The following ANKRD33B variants were observed in gnomAD, a reference collection of about 807,000 sequenced individuals.
ANKRD33B encodes the protein ankyrin repeat domain 33B.
ANKRD33B carries 6 observed loss-of-function variants against 21.5 expected under a neutral mutation model. The ratio of observed to expected loss-of-function variants is 0.28; its 90% CI spans 0.15 to 0.55. The LOEUF is 0.55. Among genes scored for constraint, ANKRD33B ranks in the 20% least tolerant of loss-of-function variants. The pLI, the probability that ANKRD33B is intolerant of heterozygous loss-of-function variation, is 0.94. For missense variants in ANKRD33B, 698 were observed against 747.2 expected (o/e 0.93, Z 0.77); for synonymous variants, 347 against 342.4 (o/e 1.01, Z -0.15).
intron 1 of ANKRD33B, among the ~76,000 whole-genome samples, chr5:10,589,264 A>C (rs1484305792): frequency 6.6e-6 from 1 of 152,132 alleles, no homozygotes; most frequent in Non-Finnish European, 1.5e-5. Flanking sequence ...CAGGTCCTGG[A>C]TGGCTCCTCC....
chr5:10,608,273 G>A (rs1029635620), intron 1 of ANKRD33B, among the ~76,000 whole-genome samples: 1 of 150,652 alleles, frequency 6.6e-6, no homozygotes, highest in Middle Eastern at 3.5e-3. Context: ...CAGGAGAATC[G>A]CCTGAACCCA....
chr5:10,604,583 C>G (rs891051977), intron 1 of ANKRD33B, among the ~76,000 whole-genome samples: 1 of 151,188 alleles, frequency 6.6e-6, no homozygotes, highest in African/African-American at 2.4e-5. Flanking sequence ...TAGTGAAGTC[C>G]AGAGAGGAGA....
intron 1 of ANKRD33B, among the ~76,000 whole-genome samples, chr5:10,588,348 T>C (rs1460797155): frequency 6.6e-6 from 1 of 152,228 alleles, no homozygotes; most frequent in Non-Finnish European, 1.5e-5. Flanking sequence ...GTACTCTTTC[T>C]GGATATGTTC....
rs1361219148 is a variant in ANKRD33B at position 10,649,887 on chromosome 5, G to T, written c.1259G>T (p.Gly420Val). Residue 420 changes from glycine (G) to valine (V), a missense_variant, in exon 4 of 4, where the codon GGT becomes GTT. Gly to Val is a moderately radical substitution (Grantham distance 109). This residue lies in a region of ANKRD33B where 543 missense variants were observed against 566.5 expected (regional missense o/e 0.96). Transcript: ENST00000296657. ...QRLRRRSVRP[G>V]VVVPRVRVSK... The stretch of plus-strand genomic sequence containing the variant: ...CTGCGGCGGAGAAGCGTGCGGCCCG[G>T]TGTGGTGGTGCCCCGGGTCCGAGTC... The T allele has an allele frequency of 3.3e-6, 5 of 1,509,112 alleles. No individual in the cohort carries two copies. Among genetic ancestry groups the T allele is most frequent in the Non-Finnish European group, 4.4e-6 (5 of 1,134,688 alleles). 93.5% of individuals were successfully genotyped at this position (1,509,112 alleles called of 1,614,324 possible).
intron 1 of ANKRD33B, among the ~76,000 whole-genome samples, chr5:10,614,143 TTGACTC>T (rs375494243): frequency 1.6e-4 from 24 of 152,176 alleles, no homozygotes; most frequent in African/African-American, 5.8e-4. Flanking sequence ...GAGTTGCAGT[TTGACTC>T]TGAAGGCAGT....
At chr5:10,583,189 G>C (rs1735480905) in intron 1 of ANKRD33B, among the ~76,000 whole-genome samples, 1 of 152,014 alleles carries the variant, frequency 6.6e-6, no homozygotes, top group African/African-American at 2.4e-5. Flanking sequence ...AGTAGAGACA[G>C]GTTTTCCCCA....
chr5:10,564,949 C>A, intron 1 of ANKRD33B, 116 bp downstream of exon 1: 3 of 1,352,762 alleles, frequency 2.2e-6, no homozygotes, highest in East Asian at 5.1e-5. Flanking sequence ...GGTCACTCAG[C>A]CGCCGCCCAG....
rs78089837 is a variant in ANKRD33B at position 10,618,810 on chromosome 5, C to T, written c.496+348C>T. On this transcript the variant is annotated intron_variant, in intron 2 of 3. Coordinates refer to ENST00000296657, the MANE Select transcript of ANKRD33B (RefSeq NM_001164440.2). ...CTGGCAGACCCACCAGTGGAAGAGA[C>T]ACAATCATGTGTCTCAGTGATAGTT... Among the ~76,000 whole-genome samples the T allele has an allele frequency of 1.2e-3, 184 of 152,300 alleles. 2 individuals are homozygous for T. In the East Asian group the frequency reaches 0.019, roughly 16 times the overall value.
chr5:10,572,590 C>G (rs572358399), intron 1 of ANKRD33B, among the ~76,000 whole-genome samples: 35 of 152,318 alleles, frequency 2.3e-4, no homozygotes, highest in African/African-American at 5.5e-4. Flanking sequence ...AACTTACCAT[C>G]CCCACAACAC....
At chr5:10,594,775 G>A (rs1306520824) in intron 1 of ANKRD33B, among the ~76,000 whole-genome samples, 1 of 152,208 alleles carries the variant, frequency 6.6e-6, no homozygotes, top group East Asian at 1.9e-4. Context: ...CCTGCGATGT[G>A]GGTGGGATTC....
chr5:10,636,116 C>T (rs1298508461), intron 2 of ANKRD33B, among the ~76,000 whole-genome samples: 5 of 152,246 alleles, frequency 3.3e-5, no homozygotes, highest in African/African-American at 1.2e-4. Context: ...AACCAGATGC[C>T]TGTGGAGATT....
At chr5:10,579,549 CA>C (rs1250928566) in intron 1 of ANKRD33B, among the ~76,000 whole-genome samples, 5 of 151,996 alleles carry the variant, frequency 3.3e-5, no homozygotes, top group Admixed American at 1.3e-4. Flanking sequence ...CACTTTCACT[CA>C]AAAAATACCA....
intron 2 of ANKRD33B, among the ~76,000 whole-genome samples, chr5:10,636,231 A>G (rs1389880834): frequency 1.3e-5 from 2 of 152,216 alleles, no homozygotes; most frequent in East Asian, 1.9e-4. Context: ...AGGCCCCTGC[A>G]GCTGCGACAG....
At chr5:10,644,986 A>G (rs1737160742) in intron 3 of ANKRD33B, among the ~76,000 whole-genome samples, 1 of 152,184 alleles carries the variant, frequency 6.6e-6, no homozygotes, top group South Asian at 2.1e-4. Context: ...ACCCTCCACT[A>G]TGAGGAAAAG....
intron 1 of ANKRD33B, among the ~76,000 whole-genome samples, chr5:10,599,000 C>T (rs1209202931): frequency 2.6e-5 from 4 of 152,196 alleles, no homozygotes; most frequent in Non-Finnish European, 2.9e-5. Context: ...GTGCAGTCAT[C>T]CCCCTACTCA....
intron 1 of ANKRD33B, among the ~76,000 whole-genome samples, chr5:10,587,479 C>A (rs1241624993): frequency 1.3e-5 from 2 of 151,344 alleles, no homozygotes; most frequent in African/African-American, 4.9e-5. Flanking sequence ...ACAACATGAT[C>A]CTTATTCTTT....
At chr5:10,578,790 A>G (rs1735377542) in intron 1 of ANKRD33B, among the ~76,000 whole-genome samples, 1 of 152,168 alleles carries the variant, frequency 6.6e-6, no homozygotes. Context: ...ATTTTGAAAA[A>G]CCCCAAACCT....
Position 10,654,723 on chromosome 5 carries a change from A to G in ANKRD33B, c.*4610A>G, listed in dbSNP as rs1284270989. On this transcript the variant is annotated 3_prime_UTR_variant, in exon 4 of 4. Coordinates refer to ENST00000296657, the MANE Select transcript of ANKRD33B (RefSeq NM_001164440.2). ...CGTGTGCATGGAGGCGGCTGATGAG[A>G]ATACAGATAGGCCAGTCCTCGCTCT... 1 of 152,388 alleles carries G rather than the reference A, an allele frequency of 6.6e-6. No homozygotes were observed. The highest frequency in any genetic ancestry group is 1.5e-5 in the Non-Finnish European group (1 of 68,056). 9.4% of individuals were successfully genotyped at this position (152,388 alleles called of 1,614,324 possible).
chr5:10,597,914 GT>G lies in ANKRD33B; in HGVS notation c.367-20412del, dbSNP rs548506427. ...TTGGTTATATCTTGTACATACATGT[GT>G]TTTTTTCTTTTAGTTTTGGATTTCT... On this transcript the variant is annotated intron_variant, in intron 1 of 3. Transcript: ENST00000296657. Among the ~76,000 whole-genome samples the G allele has an allele frequency of 6.6e-3, 1,008 of 152,240 alleles. 8 individuals carry two copies. The highest frequency in any genetic ancestry group is 0.023 in the African/African-American group (951 of 41,538).
Sources: gnomAD v4.1 joint callset for allele counts (sites outside exome capture counted in the v4.1 genomes callset) on GRCh38, gnomAD v4.1.1 for gene constraint, gnomAD v4.1.1 regional missense constraint, MANE v1.5 for transcripts, NCBI Gene and HGNC (gene_info 2026-07-23, HGNC 2026-07-21) for gene names.